Variants in HEATR3 observed in about 807,000 individuals in gnomAD.
The protein encoded by HEATR3 is HEAT repeat-containing protein 3.
Under a neutral mutation model 72.8 loss-of-function variants are expected in HEATR3, and 56 were observed. The ratio of observed to expected loss-of-function variants is 0.77; its 90% CI spans 0.62 to 0.96. The LOEUF (loss-of-function observed/expected upper bound fraction) is 0.96. HEATR3 is among the 40% of genes least tolerant of loss of function. The pLI is 0.00. For synonymous variants in HEATR3, 331 were observed against 318.1 expected (o/e 1.04, Z -0.43); for missense variants, 747 against 831.4 (o/e 0.90, Z 1.25).
At chr16:50,087,139 A>G (rs1278680319) in intron 11 of HEATR3, among the ~76,000 whole-genome samples, 1 of 152,100 alleles carries the variant, frequency 6.6e-6, no homozygotes, top group Non-Finnish European at 1.5e-5. Flanking sequence ...TTCCAGAGAG[A>G]TTCTCCATGT....
chr16:50,104,499 G>T (rs1457716212), intron 14 of HEATR3, among the ~76,000 whole-genome samples: 1 of 152,044 alleles, frequency 6.6e-6, no homozygotes, highest in African/African-American at 2.4e-5. Context: ...CAAACTGCTG[G>T]GATTACAGGC....
At chr16:50,089,767 C>T (rs570896838) in intron 11 of HEATR3, among the ~76,000 whole-genome samples, 3 of 152,020 alleles carry the variant, frequency 2.0e-5, no homozygotes, top group Non-Finnish European at 4.4e-5. Flanking sequence ...CCCCCAAGTT[C>T]AAGCAATTCT....
In HEATR3 at chr16:50,078,260, A is replaced by G. The variant is rs572307426; in HGVS notation, c.764-481A>G. Among the ~76,000 whole-genome samples the G allele has an allele frequency of 4.0e-5, 6 of 151,666 alleles. No individual in the cohort carries two copies. In the South Asian group the frequency reaches 1.0e-3, roughly 26 times the overall value. On this transcript the variant is annotated intron_variant, in intron 6 of 14. Coordinates refer to ENST00000299192, the MANE Select transcript of HEATR3 (RefSeq NM_182922.4). ...GGTGTTTTTATTTTTGTAGTAACTT[A>G]AAAAAAAATTACTCTGACTACTTAA... is the stretch of plus-strand genomic sequence containing the variant.
At position 50,087,161 on chromosome 16, in the gene HEATR3, T is replaced by TGTGTATGCGGGC. The variant is rs1235969108; in HGVS notation, c.1510+811_1510+822dup. On this transcript the variant is annotated intron_variant, in intron 11 of 14. Coordinates refer to ENST00000299192, the MANE Select transcript of HEATR3 (RefSeq NM_182922.4). ...GAGATTCTCCATGTATAAGAGAGCG[T>TGTGTATGCGGGC]GTGTATGCGGGCATGCGTGCGTGTG... 6.8e-4 allele frequency among the ~76,000 whole-genome samples: 104 copies of TGTGTATGCGGGC among 152,228 alleles called. 1 individual carries two copies. In the East Asian group the frequency reaches 0.019, roughly 27 times the overall value.
Position 50,105,274 on chromosome 16 carries a change from A to T in HEATR3, c.*213A>T, listed in dbSNP as rs532961800. The T allele has an allele frequency of 1.7e-4, 76 of 437,182 alleles. No individual in the cohort carries two copies. Among genetic ancestry groups the T allele is most frequent in the South Asian group, 1.7e-3 (75 of 43,608 alleles). 27.1% of individuals were successfully genotyped at this position (437,182 alleles called of 1,614,324 possible). A position where few individuals can be genotyped will look rare whatever the true frequency, so the allele number is the denominator to read the frequency against. Reference sequence around the variant, plus strand: ...CGAGGCGGGTGGATCACTTGAGGTCAGGAGTTTGAGGCCAGCCTGGCCAAC... The same window carrying T: ...CGAGGCGGGTGGATCACTTGAGGTCTGGAGTTTGAGGCCAGCCTGGCCAAC... On this transcript the variant is annotated 3_prime_UTR_variant, in exon 15 of 15. Coordinates refer to ENST00000299192, the MANE Select transcript of HEATR3 (RefSeq NM_182922.4).
At position 50,084,559 on chromosome 16, in the gene HEATR3, T is replaced by C. The variant is rs1413159474; in HGVS notation, c.1291-10T>C. ...TTTAACCTTTGCTTTACTGCCTCTT[T>C]TAAATCTAGATTTTTGAGAAAACTG... On this transcript the variant is annotated splice_polypyrimidine_tract_variant and intron_variant, in intron 9 of 14. Coordinates refer to ENST00000299192, the MANE Select transcript of HEATR3 (RefSeq NM_182922.4). 3.7e-6 allele frequency: 6 copies of C among 1,601,380 alleles called. No individual in the cohort carries two copies. The East Asian group carries it at 1.1e-4, about 30-fold the overall frequency.
rs922590904 is a variant in HEATR3, at chr16:50,078,963, G to C, written c.986G>C (p.Gly329Ala). The C allele has an allele frequency of 6.2e-7, 1 of 1,613,654 alleles. No individual in the cohort carries two copies. Among genetic ancestry groups the C allele is most frequent in the Non-Finnish European group, 8.5e-7 (1 of 1,179,936 alleles). Reference sequence around the variant, plus strand: ...TTGATTGAAGATGATGAAATGGAAGGAATTTCTCATAAAAGAAGAGTCAGA... The same window carrying C: ...TTGATTGAAGATGATGAAATGGAAGCAATTTCTCATAAAAGAAGAGTCAGA... The part of the protein sequence containing the change: ...DDLIEDDEME[G>A]ISHKRRVRRK... Residue 329 changes from glycine to alanine, a missense_variant, in exon 7 of 15, where the codon GGA becomes GCA. Gly to Ala is a moderately conservative substitution (Grantham distance 60, BLOSUM62 0). Transcript: ENST00000299192.
Position 50,093,225 on chromosome 16 carries a change from A to G in HEATR3, c.1511-1480A>G, listed in dbSNP as rs139141394. ...CCTAAAAGTGGGGGATCGGAATGGT[A>G]TAAGTCCCAGGAACTGTGGGGCAGG... On this transcript the variant is annotated intron_variant, in intron 11 of 14. Transcript: ENST00000299192. Among the ~76,000 whole-genome samples, 1,211 of 152,324 alleles carry G rather than the reference A, an allele frequency of 8.0e-3. 15 individuals carry two copies. The highest frequency in any genetic ancestry group is 0.028 in the African/African-American group (1,155 of 41,572).
In HEATR3 at chr16:50,084,630, C is replaced by T; in HGVS notation, c.1352C>T (p.Thr451Ile). The T allele has an allele frequency of 1.2e-6, 2 of 1,609,248 alleles. No individual in the cohort carries two copies. Among genetic ancestry groups the T allele is most frequent in the Non-Finnish European group, 1.7e-6 (2 of 1,176,946 alleles). Residue 451 changes from threonine to isoleucine, a missense_variant, in exon 10 of 15, where the codon ACT (threonine) becomes ATT (isoleucine). Coordinates refer to ENST00000299192, the MANE Select transcript of HEATR3 (RefSeq NM_182922.4). ...GTTGACCTATGTTCTAGGAACCCTA[C>T]TTGGAAACCTTTGATTAGAAAGTAA... ...IAVDLCSRNP[T>I]WKPLIRKMNT...
intron 4 of HEATR3, among the ~76,000 whole-genome samples, chr16:50,071,153 A>G (rs139958894): frequency 1.3e-5 from 2 of 152,340 alleles, no homozygotes; most frequent in African/African-American, 2.4e-5. Context: ...GGAAATGGCT[A>G]GAAACACAAC....
chr16:50,100,530 G>C (rs2037343491), intron 13 of HEATR3, 157 bp downstream of exon 13: 5 of 661,004 alleles, frequency 7.6e-6, no homozygotes, highest in Non-Finnish European at 1.3e-5. Flanking sequence ...CCTTTGGCTT[G>C]ATCTAACTAT....
intron 12 of HEATR3, among the ~76,000 whole-genome samples, chr16:50,095,453 A>G (rs951109712): frequency 2.0e-5 from 3 of 146,774 alleles, no homozygotes; most frequent in Admixed American, 6.9e-5. Context: ...CTTTGCAAGC[A>G]TGCCCTCCTG....
At chr16:50,082,778 G>A (rs1250959364) in intron 7 of HEATR3, among the ~76,000 whole-genome samples, 1 of 143,900 alleles carries the variant, frequency 6.9e-6, no homozygotes, top group African/African-American at 2.5e-5. Context: ...AAAAAAGCAG[G>A]TAAATTTTTT....
At chr16:50,081,488 A>T (rs1041757654) in intron 7 of HEATR3, among the ~76,000 whole-genome samples, 1 of 152,058 alleles carries the variant, frequency 6.6e-6, no homozygotes, top group Non-Finnish European at 1.5e-5. Flanking sequence ...GTCTTCCTTA[A>T]GATTGTAGTG....
At chr16:50,070,975 G>C (rs1257477115) in intron 4 of HEATR3, among the ~76,000 whole-genome samples, 1 of 152,140 alleles carries the variant, frequency 6.6e-6, no homozygotes, top group African/African-American at 2.4e-5. Flanking sequence ...GACTGAGATG[G>C]GGACCACAGA....
Position 50,066,411 on chromosome 16 carries a change from G to A in HEATR3, c.183G>A (p.Gly61=), listed in dbSNP as rs777602988. Residue 61 remains glycine (G), a synonymous_variant, in exon 2 of 15, where the codon GGG becomes GGA. Transcript: ENST00000299192. Reference sequence around the variant, plus strand: ...AGGTCCGCGAGTGCGCCTGCGCAGGGCTGGCCCGGCTGGTGCAGCAGCGGC... The same window carrying A: ...AGGTCCGCGAGTGCGCCTGCGCAGGACTGGCCCGGCTGGTGCAGCAGCGGC... ...SAEVRECACA[G]LARLVQQRPA... The A allele has an allele frequency of 5.3e-6, 8 of 1,521,050 alleles. No homozygotes were observed. In the South Asian group the frequency reaches 8.6e-5, roughly 16 times the overall value. 94.2% of individuals were successfully genotyped at this position (1,521,050 alleles called of 1,614,324 possible).
At chr16:50,097,314 CTTTT>C (rs10609618) in intron 12 of HEATR3, among the ~76,000 whole-genome samples, 23 of 135,652 alleles carry the variant, frequency 1.7e-4, no homozygotes, top group Admixed American at 3.0e-4. Flanking sequence ...TTTGTCTTTT[CTTTT>C]TTTTTTTTTT....
rs557328327 is a variant in HEATR3, at chr16:50,104,511, T to C, written c.1921-428T>C. 3.9e-5 allele frequency among the ~76,000 whole-genome samples: 6 copies of C among 152,258 alleles called. No homozygotes were observed. The East Asian group carries it at 1.2e-3, about 29-fold the overall frequency. The stretch of plus-strand genomic sequence containing the variant: ...TCCCAAACTGCTGGGATTACAGGCA[T>C]GAGTATGCACCCAGCCTAACAAAGG... On this transcript the variant is annotated intron_variant, in intron 14 of 14. Transcript: ENST00000299192.
intron 13 of HEATR3, 85 bp from the exon 14 acceptor site, chr16:50,102,174 A>T: frequency 9.3e-7 from 1 of 1,069,634 alleles, no homozygotes; most frequent in Non-Finnish European, 1.4e-6. Flanking sequence ...ATAAAATAGT[A>T]TGCATGAGTT....
Sources: gnomAD v4.1 joint callset for allele counts (sites outside exome capture counted in the v4.1 genomes callset) on GRCh38, gnomAD v4.1.1 for gene constraint, MANE v1.5 for transcripts, NCBI Gene and HGNC (gene_info 2026-07-23, HGNC 2026-07-21) for gene names.